The following PARD3B variants were observed in gnomAD, a reference collection of about 807,000 sequenced individuals.
The protein encoded by PARD3B is partitioning defective 3 homolog B.
Under a neutral mutation model 130.2 loss-of-function variants are expected in PARD3B, and 103 were observed. That is an observed-to-expected ratio of 0.79 (90% CI 0.67 to 0.93). The LOEUF is 0.93. PARD3B is among the 40% of genes least tolerant of loss of function. PARD3B has a pLI of 0.00. For missense variants in PARD3B, 1,609 were observed against 1,499.2 expected (o/e 1.07, Z -1.21); for synonymous variants, 583 against 553.2 (o/e 1.05, Z -0.76).
At chr2:205,119,192 T>C in intron 7 of PARD3B, 146 bp downstream of exon 7, 2 of 1,154,114 alleles carry the variant, frequency 1.7e-6, no homozygotes, top group Non-Finnish European at 2.3e-6. Flanking sequence ...CGAATGCTTC[T>C]AATGTTTTAG....
chr2:205,579,927 A>G (rs940434282), intron 22 of PARD3B, among the ~76,000 whole-genome samples: 1 of 152,160 alleles, frequency 6.6e-6, no homozygotes, highest in Non-Finnish European at 1.5e-5. Flanking sequence ...GTATCATTGT[A>G]TTCTTAATTA....
intron 22 of PARD3B, among the ~76,000 whole-genome samples, chr2:205,608,217 G>A (rs1229517618): frequency 1.4e-4 from 21 of 152,144 alleles, no homozygotes; most frequent in Admixed American, 1.4e-3. Flanking sequence ...TTTTCCTAAG[G>A]GGCAGGAGGA....
intron 2 of PARD3B, among the ~76,000 whole-genome samples, chr2:204,832,375 T>C (rs2043860692): frequency 6.6e-6 from 1 of 152,206 alleles, no homozygotes; most frequent in South Asian, 2.1e-4. Flanking sequence ...TTTTTTTCTG[T>C]ATGGACAAGA....
At chr2:205,581,521 T>A (rs1406997009) in intron 22 of PARD3B, among the ~76,000 whole-genome samples, 1 of 148,182 alleles carries the variant, frequency 6.7e-6, no homozygotes, top group African/African-American at 2.5e-5. Context: ...AAACATAGAA[T>A]AAATAAGATC....
chr2:205,159,085 C>T (rs1559496275), intron 11 of PARD3B, among the ~76,000 whole-genome samples, 178 bp downstream of exon 11: 1 of 152,130 alleles, frequency 6.6e-6, no homozygotes, highest in Non-Finnish European at 1.5e-5. Context: ...GTTTTTGTAC[C>T]TTAACTGGTT....
intron 2 of PARD3B, among the ~76,000 whole-genome samples, chr2:204,792,516 T>A (rs528620801): frequency 6.6e-6 from 1 of 152,062 alleles, no homozygotes; most frequent in Non-Finnish European, 1.5e-5. Flanking sequence ...ACCAGACAAA[T>A]TCCTGAGTTT....
At position 205,553,281 on chromosome 2, in the gene PARD3B, G is replaced by A. The variant is rs770165935; in HGVS notation, c.3181-43G>A. 1.9e-5 allele frequency: 30 copies of A among 1,554,198 alleles called. No homozygotes were observed. The Middle Eastern group carries it at 6.7e-4, about 35-fold the overall frequency. On this transcript the variant is annotated intron_variant, in intron 21 of 22. Coordinates refer to ENST00000406610, the MANE Select transcript of PARD3B (RefSeq NM_001302769.2). ...TCGAGATGCATTGTCAGTAACCAAG[G>A]TGTATAATGGATCTTCATCTCTAAT...
At chr2:205,192,333 A>AT (rs2036441429) in intron 14 of PARD3B, among the ~76,000 whole-genome samples, 1 of 152,146 alleles carries the variant, frequency 6.6e-6, no homozygotes, top group Admixed American at 6.5e-5. Flanking sequence ...CATGATTTGG[A>AT]TTTTCACTAT....
chr2:205,573,273 G>C (rs1262389081), intron 22 of PARD3B, among the ~76,000 whole-genome samples: 10 of 152,172 alleles, frequency 6.6e-5, no homozygotes, highest in Admixed American at 6.5e-4. Context: ...AAGGAGCTGA[G>C]CTGACCTGTT....
At chr2:205,538,421 A>G (rs2051961638) in intron 21 of PARD3B, among the ~76,000 whole-genome samples, 1 of 152,076 alleles carries the variant, frequency 6.6e-6, no homozygotes. Context: ...CAAGAATTAG[A>G]CTTCTCTAGG....
intron 21 of PARD3B, among the ~76,000 whole-genome samples, chr2:205,523,969 A>T (rs921616455): frequency 3.3e-5 from 5 of 151,156 alleles, no homozygotes; most frequent in East Asian, 1.9e-4. Context: ...TACGTAACAA[A>T]TTTTTTTTTA....
intron 2 of PARD3B, among the ~76,000 whole-genome samples, chr2:204,694,752 C>T (rs2037529250): frequency 6.6e-6 from 1 of 151,922 alleles, no homozygotes; most frequent in African/African-American, 2.4e-5. Flanking sequence ...AGATATGTGC[C>T]TTCCGCAATT....
intron 2 of PARD3B, among the ~76,000 whole-genome samples, chr2:204,744,843 T>A (rs1021512531): frequency 1.3e-5 from 2 of 152,100 alleles, no homozygotes; most frequent in Admixed American, 1.3e-4. Flanking sequence ...GTTTAAAATT[T>A]AAAATCTAGA....
Position 205,617,443 on chromosome 2 carries a change from A to G in PARD3B, c.*1630A>G, listed in dbSNP as rs1263402962. On this transcript the variant is annotated 3_prime_UTR_variant, in exon 23 of 23. Coordinates refer to ENST00000406610, the MANE Select transcript of PARD3B (RefSeq NM_001302769.2). ...AATAAATTATAGTATTATTGAATACATAGGACATCCCTCTACCCCAGCTTA... is the reference window on the plus strand; with the variant it reads ...AATAAATTATAGTATTATTGAATACGTAGGACATCCCTCTACCCCAGCTTA... 1 of 152,224 alleles carries G rather than the reference A, an allele frequency of 6.6e-6. No homozygotes were observed. Among genetic ancestry groups the G allele is most frequent in the African/African-American group, 2.4e-5 (1 of 41,442 alleles). 9.4% of individuals were successfully genotyped at this position (152,224 alleles called of 1,614,324 possible). A position where few individuals can be genotyped will look rare whatever the true frequency, so the allele number is the denominator to read the frequency against.
At chr2:205,581,196 A>G (rs552134373) in intron 22 of PARD3B, among the ~76,000 whole-genome samples, 8 of 150,978 alleles carry the variant, frequency 5.3e-5, no homozygotes, top group Non-Finnish European at 1.0e-4. Flanking sequence ...GTGTCTATCA[A>G]CAAATAAATG....
intron 20 of PARD3B, among the ~76,000 whole-genome samples, chr2:205,489,723 A>G (rs371376721): frequency 1.3e-4 from 20 of 152,150 alleles, no homozygotes; most frequent in African/African-American, 3.9e-4. Context: ...TATTAGAATA[A>G]GGCAGTTATT....
intron 3 of PARD3B, among the ~76,000 whole-genome samples, chr2:205,046,454 C>T (rs1349215307): frequency 6.7e-6 from 1 of 148,228 alleles, no homozygotes; most frequent in African/African-American, 2.5e-5. Flanking sequence ...TCCTAAGTAG[C>T]ATGTTAATTT....
chr2:204,957,473 A>G lies in PARD3B; in HGVS notation c.223-7679A>G, dbSNP rs149085086. On this transcript the variant is annotated intron_variant, in intron 2 of 22. Coordinates refer to ENST00000406610, the MANE Select transcript of PARD3B (RefSeq NM_001302769.2). ...TTCTGAATTTTCAGTTTGGGGAGGA[A>G]ATGAAAATAGGTTTATCTCATTTAC... 1.5e-3 allele frequency among the ~76,000 whole-genome samples: 228 copies of G among 152,258 alleles called. 1 individual carries two copies. The highest frequency in any genetic ancestry group is 5.2e-3 in the African/African-American group (216 of 41,562).
At chr2:205,219,762 G>T (rs2038139091) in intron 15 of PARD3B, among the ~76,000 whole-genome samples, 1 of 152,144 alleles carries the variant, frequency 6.6e-6, no homozygotes, top group African/African-American at 2.4e-5. Flanking sequence ...CTTCCATTCT[G>T]GGCTGGCTCA....
Sources: gnomAD v4.1 joint callset for allele counts (sites outside exome capture counted in the v4.1 genomes callset) on GRCh38, gnomAD v4.1.1 for gene constraint, MANE v1.5 for transcripts, NCBI Gene and HGNC (gene_info 2026-07-23, HGNC 2026-07-21) for gene names.